The following ARHGAP24 variants were observed in gnomAD, a reference collection of about 807,000 sequenced individuals.
The protein encoded by ARHGAP24 is rho GTPase-activating protein 24.
In ARHGAP24, 50 loss-of-function variants were observed where a neutral mutation model predicts 76.4. That is an observed-to-expected ratio of 0.65 (90% confidence interval 0.52 to 0.83). The LOEUF is 0.83. Ranked by LOEUF, ARHGAP24 falls within the 40% of genes least tolerant of loss-of-function variation. The pLI is 0.00. For synonymous variants in ARHGAP24, 345 were observed against 323.3 expected (o/e 1.07, Z -0.72); for missense variants, 930 against 914.2 (o/e 1.02, Z -0.22).
chr4:85,500,368 T>C (rs1423704538), intron 1 of ARHGAP24, among the ~76,000 whole-genome samples: 2 of 152,206 alleles, frequency 1.3e-5, no homozygotes, highest in Admixed American at 6.5e-5. Flanking sequence ...GGAATAAAAA[T>C]GTATTAATCA....
intron 1 of ARHGAP24, among the ~76,000 whole-genome samples, chr4:85,525,305 G>T (rs1578007763): frequency 2.8e-5 from 3 of 106,370 alleles, no homozygotes; most frequent in Non-Finnish European, 1.8e-5. Flanking sequence ...CTCCTTTTAT[G>T]CATTTATATC....
chr4:85,558,196 C>T (rs1455355475), intron 1 of ARHGAP24, among the ~76,000 whole-genome samples: 1 of 152,120 alleles, frequency 6.6e-6, no homozygotes, highest in African/African-American at 2.4e-5. Flanking sequence ...ATCCCTTTAG[C>T]AAAGGGATGG....
intron 5 of ARHGAP24, among the ~76,000 whole-genome samples, chr4:85,966,131 G>A (rs1177607275): frequency 1.3e-5 from 2 of 152,108 alleles, no homozygotes; most frequent in Non-Finnish European, 2.9e-5. Flanking sequence ...CTTGGACAAG[G>A]GGAGAGAGAA....
chr4:85,962,569 A>G (rs771682408), intron 5 of ARHGAP24, among the ~76,000 whole-genome samples: 1 of 152,048 alleles, frequency 6.6e-6, no homozygotes, highest in Non-Finnish European at 1.5e-5. Context: ...TGTGTCTCTT[A>G]CAGTGAGTAG....
intron 7 of ARHGAP24, 134 bp from the exon 8 acceptor site, chr4:85,977,436 G>A (rs1739405965): frequency 2.5e-5 from 25 of 1,018,840 alleles, no homozygotes; most frequent in Non-Finnish European, 3.6e-5. Flanking sequence ...AGAGATGGGT[G>A]AACATCCAAA....
At chr4:85,558,776 A>G (rs549364267) in intron 1 of ARHGAP24, among the ~76,000 whole-genome samples, 3 of 152,250 alleles carry the variant, frequency 2.0e-5, no homozygotes, top group Admixed American at 6.5e-5. Context: ...GGAAATCATT[A>G]AGTACCTCGG....
At chr4:85,530,567 C>T (rs113653453) in intron 1 of ARHGAP24, among the ~76,000 whole-genome samples, 5 of 151,454 alleles carry the variant, frequency 3.3e-5, no homozygotes, top group East Asian at 1.9e-4. Flanking sequence ...TAAACACTCA[C>T]ATAATAATTC....
intron 4 of ARHGAP24, among the ~76,000 whole-genome samples, chr4:85,939,431 C>T (rs187414907): frequency 6.6e-6 from 1 of 152,244 alleles, no homozygotes; most frequent in African/African-American, 2.4e-5. Context: ...TGTAACTAAC[C>T]TCAGACAAAT....
intron 2 of ARHGAP24, among the ~76,000 whole-genome samples, chr4:85,693,799 G>A (rs187088932): frequency 4.6e-5 from 7 of 152,312 alleles, no homozygotes; most frequent in Admixed American, 3.3e-4. Context: ...ATTCTTAGAG[G>A]GAGATGGAAA....
At chr4:85,662,117 G>C (rs1722412959) in intron 2 of ARHGAP24, among the ~76,000 whole-genome samples, 1 of 152,154 alleles carries the variant, frequency 6.6e-6, no homozygotes, top group African/African-American at 2.4e-5. Flanking sequence ...GGTTGAACTA[G>C]TTTACAGTCC....
intron 2 of ARHGAP24, among the ~76,000 whole-genome samples, chr4:85,700,459 A>G (rs1724040014): frequency 1.3e-5 from 2 of 151,778 alleles, no homozygotes; most frequent in African/African-American, 4.8e-5. Context: ...TTGCTAATGC[A>G]GCTGACGTGG....
At chr4:85,490,463 C>A (rs150385012) in intron 1 of ARHGAP24, among the ~76,000 whole-genome samples, 99 of 152,240 alleles carry the variant, frequency 6.5e-4, no homozygotes, top group African/African-American at 2.3e-3. Flanking sequence ...GTTGGTAGTT[C>A]TTTTGCTTTG....
intron 3 of ARHGAP24, among the ~76,000 whole-genome samples, chr4:85,901,817 GT>G (rs569746275): frequency 2.0e-5 from 3 of 147,526 alleles, no homozygotes; most frequent in Admixed American, 6.7e-5. Flanking sequence ...ATTTTTTTTT[GT>G]TTTTTTTTAC....
chr4:85,912,574 A>T (rs1735150052), intron 3 of ARHGAP24, among the ~76,000 whole-genome samples: 1 of 152,200 alleles, frequency 6.6e-6, no homozygotes, highest in Admixed American at 6.5e-5. Context: ...TTTATTTCAA[A>T]ATATCACTTC....
At chr4:85,930,694 C>A in intron 4 of ARHGAP24, 6 of 1,196,538 alleles carry the variant, frequency 5.0e-6, no homozygotes, top group Admixed American at 8.7e-5. Flanking sequence ...AAAAAAAAAC[C>A]TTAAAAACTC....
intron 2 of ARHGAP24, among the ~76,000 whole-genome samples, chr4:85,598,864 T>G (rs1056322570): frequency 3.3e-5 from 5 of 151,516 alleles, no homozygotes; most frequent in Non-Finnish European, 5.9e-5. Context: ...AGCCCTATAT[T>G]AAATTTCCCA....
intron 3 of ARHGAP24, among the ~76,000 whole-genome samples, chr4:85,770,227 G>C (rs1252813509): frequency 1.3e-5 from 2 of 152,162 alleles, no homozygotes; most frequent in South Asian, 2.1e-4. Flanking sequence ...AAAAATGACA[G>C]TGTAGGGGAA....
At chr4:85,648,833 G>A (rs548127861) in intron 2 of ARHGAP24, among the ~76,000 whole-genome samples, 77 of 152,034 alleles carry the variant, frequency 5.1e-4, no homozygotes, top group Non-Finnish European at 9.4e-4. Flanking sequence ...CTTGCCTACT[G>A]GAACTTCATT....
chr4:85,780,056 G>A (rs1693876584), intron 3 of ARHGAP24, among the ~76,000 whole-genome samples: 2 of 152,076 alleles, frequency 1.3e-5, no homozygotes, highest in Non-Finnish European at 2.9e-5. Flanking sequence ...TAATTTCTCA[G>A]TATTACTCAT....
Sources: allele counts gnomAD v4.1 joint callset (sites outside exome capture counted in the v4.1 genomes callset), GRCh38; gene constraint gnomAD v4.1.1; transcripts MANE v1.5; gene names NCBI Gene and HGNC (gene_info 2026-07-23, HGNC 2026-07-21).